SORCS2: variants seen among roughly 807,000 people sequenced by gnomAD.
SORCS2 encodes VPS10 domain-containing receptor SorCS2.
A neutral mutation model predicts 141.6 loss-of-function variants in SORCS2; 100 were observed. The observed-to-expected ratio is 0.71, with a 90% CI of 0.60 to 0.83. The LOEUF is 0.83. SORCS2 is among the 40% of genes least tolerant of loss of function. The pLI is 0.00. For synonymous variants in SORCS2, 789 were observed against 676.9 expected (o/e 1.17, Z -2.57); for missense variants, 1,646 against 1,560.2 (o/e 1.05, Z -0.93).
At chr4:7,470,881 G>A (rs1298009733) in intron 2 of SORCS2, among the ~76,000 whole-genome samples, 1 of 152,194 alleles carries the variant, frequency 6.6e-6, no homozygotes, top group Admixed American at 6.5e-5. Flanking sequence ...AGGGTTCTCT[G>A]CAAACATCTC....
intron 14 of SORCS2, among the ~76,000 whole-genome samples, chr4:7,705,029 T>TC (rs11439807): frequency 0.92 from 139,921 of 152,158 alleles, 64,459 homozygotes; most frequent in East Asian, 1. Context: ...AATTCCTGTT[T>TC]CCCGGAACCA....
At chr4:7,388,134 A>T (rs1402412766) in intron 1 of SORCS2, among the ~76,000 whole-genome samples, 1 of 148,592 alleles carries the variant, frequency 6.7e-6, no homozygotes, top group Non-Finnish European at 1.5e-5. Flanking sequence ...GTGCACACAG[A>T]TGCACACATG....
intron 12 of SORCS2, 150 bp from the exon 13 acceptor site, chr4:7,703,130 G>A (rs1047945439): frequency 1.8e-5 from 11 of 598,300 alleles, no homozygotes; most frequent in Admixed American, 1.0e-4. Flanking sequence ...GGGATGGCCC[G>A]GGACATGCAG....
intron 2 of SORCS2, among the ~76,000 whole-genome samples, chr4:7,443,693 G>A (rs1340930045): frequency 6.6e-6 from 1 of 152,228 alleles, no homozygotes; most frequent in African/African-American, 2.4e-5. Context: ...GGGCCTTGAG[G>A]CCACACCTCC....
intron 1 of SORCS2, among the ~76,000 whole-genome samples, chr4:7,224,181 C>A (rs941452812): frequency 3.9e-5 from 6 of 152,140 alleles, no homozygotes; most frequent in African/African-American, 1.4e-4. Context: ...TGGCTCTGCC[C>A]AGGTGGCTTG....
intron 3 of SORCS2, among the ~76,000 whole-genome samples, chr4:7,585,847 T>A (rs1453814508): frequency 1.3e-5 from 2 of 152,234 alleles, no homozygotes; most frequent in Non-Finnish European, 2.9e-5. Context: ...ACAGCTTGAC[T>A]GAAGGTGAGA....
chr4:7,417,741 G>A (rs1725789555), intron 2 of SORCS2, among the ~76,000 whole-genome samples: 1 of 152,162 alleles, frequency 6.6e-6, no homozygotes, highest in African/African-American at 2.4e-5. Context: ...CCTGCATCAG[G>A]CCTCTCCTAT....
intron 1 of SORCS2, among the ~76,000 whole-genome samples, chr4:7,336,107 G>C (rs992754727): frequency 1.3e-5 from 2 of 152,226 alleles, no homozygotes; most frequent in South Asian, 4.1e-4. Flanking sequence ...CAGCTTCCGC[G>C]TCCCCATGTG....
At chr4:7,269,580 C>G (rs373443764) in intron 1 of SORCS2, among the ~76,000 whole-genome samples, 1 of 152,306 alleles carries the variant, frequency 6.6e-6, no homozygotes, top group East Asian at 1.9e-4. Context: ...ATTCGTCACA[C>G]GAAGGAGAAG....
intron 2 of SORCS2, among the ~76,000 whole-genome samples, chr4:7,480,515 G>A (rs1169136399): frequency 2.6e-5 from 4 of 152,238 alleles, no homozygotes; most frequent in Non-Finnish European, 5.9e-5. Flanking sequence ...AGTGCAGGCT[G>A]TGTTCAGAAC....
chr4:7,414,758 A>C (rs1577522058), intron 2 of SORCS2, among the ~76,000 whole-genome samples: 5 of 152,232 alleles, frequency 3.3e-5, no homozygotes. Context: ...TTTCATTATA[A>C]TTAGATATAG....
chr4:7,262,176 A>T (rs1429351079), intron 1 of SORCS2, among the ~76,000 whole-genome samples: 1 of 24,816 alleles, frequency 4.0e-5, no homozygotes, highest in Non-Finnish European at 8.0e-5. Context: ...CCACCCACCC[A>T]CCCATCTATG....
At chr4:7,382,530 C>T (rs1723052519) in intron 1 of SORCS2, among the ~76,000 whole-genome samples, 1 of 152,156 alleles carries the variant, frequency 6.6e-6, no homozygotes, top group Non-Finnish European at 1.5e-5. Context: ...TTATTGACTC[C>T]ATAGATTGGG....
intron 1 of SORCS2, among the ~76,000 whole-genome samples, chr4:7,207,300 G>A (rs1969069): frequency 0.022 from 3,373 of 152,352 alleles, 115 homozygotes; most frequent in African/African-American, 0.078. Context: ...GTGCTGAGCT[G>A]TGTCTGGGAA....
At chr4:7,264,406 G>A (rs893960365) in intron 1 of SORCS2, among the ~76,000 whole-genome samples, 5 of 152,154 alleles carry the variant, frequency 3.3e-5, no homozygotes, top group African/African-American at 9.7e-5. Context: ...GACTGCAGGT[G>A]TGGGCATCTG....
At chr4:7,628,411 A>G (rs963090960) in intron 3 of SORCS2, among the ~76,000 whole-genome samples, 5 of 150,720 alleles carry the variant, frequency 3.3e-5, no homozygotes, top group African/African-American at 1.2e-4. Context: ...CCCAGCTACT[A>G]GGGAGGCTGA....
At chr4:7,543,799 TCCATCCATCCATCCATCCATCTAC>T (rs1712964616) in intron 3 of SORCS2, among the ~76,000 whole-genome samples, 1 of 67,862 alleles carries the variant, frequency 1.5e-5, no homozygotes, top group Non-Finnish European at 3.3e-5. Flanking sequence ...CATCCATCCA[TCCATCCATCCATCCATCCATCTAC>T]CCATCTGTCC....
chr4:7,641,830 ATGGATGGGTGGATGGG>A (rs1720755297), intron 4 of SORCS2, among the ~76,000 whole-genome samples: 1 of 34,110 alleles, frequency 2.9e-5, no homozygotes, highest in South Asian at 2.7e-3. Context: ...GGGTGGATGG[ATGGATGGGTGGATGGG>A]GATGAATGGA....
chr4:7,197,127 C>T (rs899978043), intron 1 of SORCS2, among the ~76,000 whole-genome samples: 4 of 152,202 alleles, frequency 2.6e-5, no homozygotes, highest in East Asian at 1.9e-4. Flanking sequence ...CTCCTGGGCT[C>T]GCAGATGCCA....
Sources: allele counts gnomAD v4.1 joint callset (sites outside exome capture counted in the v4.1 genomes callset), GRCh38; gene constraint gnomAD v4.1.1; transcripts MANE v1.5; gene names NCBI Gene and HGNC (gene_info 2026-07-23, HGNC 2026-07-21).